The following JPH2 variants were observed in gnomAD, a reference collection of about 807,000 sequenced individuals.
JPH2 encodes junctophilin 2, also known as junctophilin-2.
JPH2 carries 38 observed loss-of-function variants against 55.9 expected under a neutral mutation model. The observed-to-expected ratio is 0.68, with a 90% CI of 0.52 to 0.89. JPH2 has a LOEUF of 0.89. JPH2 is among the 40% of genes least tolerant of loss of function. The probability of loss-of-function intolerance (pLI) is 0.00; values close to 1 mark genes in which losing one functional copy is unlikely to be tolerated. For missense variants in JPH2, 964 were observed against 1,037.6 expected (o/e 0.93, Z 0.97); for synonymous variants, 480 against 472.4 (o/e 1.02, Z -0.21).
chr20:44,121,570 C>T (rs910878822), intron 2 of JPH2, among the ~76,000 whole-genome samples: 3 of 150,240 alleles, frequency 2.0e-5, no homozygotes, highest in Non-Finnish European at 2.9e-5. Flanking sequence ...TTAACATTTA[C>T]AAAGCACTTA....
chr20:44,169,863 A>C (rs1166284524), intron 1 of JPH2, among the ~76,000 whole-genome samples: 1 of 152,034 alleles, frequency 6.6e-6, no homozygotes, highest in Non-Finnish European at 1.5e-5. Flanking sequence ...AGGAAGAGAG[A>C]TCTGAGCTAG....
At chr20:44,129,570 CAA>C (rs1286932645) in intron 2 of JPH2, among the ~76,000 whole-genome samples, 11 of 68,034 alleles carry the variant, frequency 1.6e-4, no homozygotes, top group African/African-American at 4.1e-4. Context: ...AAAAAAAAAA[CAA>C]AAAAAACAAA....
In JPH2 at chr20:44,160,502, G is replaced by A; in HGVS notation, c.380-95C>T. ...GGGCAAGGGCGGGAGTGGGCAAGGC[G>A]GGGTGGGACCGAGAGGCGCAAGGCC... On this transcript the variant is annotated intron_variant, in intron 1 of 5. Transcript: ENST00000372980. The surrounding 1 kb of genome is among the most constrained non-coding windows in gnomAD (Gnocchi z 4.9). 8.1e-6 allele frequency: 11 copies of A among 1,349,714 alleles called. No individual in the cohort carries two copies. Among genetic ancestry groups the A allele is most frequent in the South Asian group, 1.2e-5 (1 of 80,964 alleles). 83.6% of individuals were successfully genotyped at this position (1,349,714 alleles called of 1,614,324 possible). A position where few individuals can be genotyped will look rare whatever the true frequency, so the allele number is the denominator to read the frequency against.
intron 1 of JPH2, among the ~76,000 whole-genome samples, chr20:44,171,543 G>A (rs1016442889): frequency 6.6e-6 from 1 of 150,782 alleles, no homozygotes. Flanking sequence ...TCTGGGCTTT[G>A]CCAATCTCTC....
rs753387666 is a variant in JPH2 at position 44,159,968 on chromosome 20, G to T, written c.819C>A (p.Ala273=). The T allele has an allele frequency of 7.1e-5, 113 of 1,593,958 alleles. No homozygotes were observed. The Middle Eastern group carries it at 1.3e-3, about 19-fold the overall frequency. Residue 273 remains alanine, a synonymous_variant, in exon 2 of 6, where the codon GCC becomes GCA. Transcript: ENST00000372980. This position sits in a 1 kb window ranked among gnomAD's most constrained non-coding sequence, Gnocchi z 5.7. The part of the protein sequence containing the change: ...TASLGEAAEG[A]DEAAPFEADI... ...CGGCCTCGAAGGGTGCGGCCTCGTCGGCGCCCTCGGCGGCCTCTCCCAGGC... is the reference window on the plus strand; with the variant it reads ...CGGCCTCGAAGGGTGCGGCCTCGTCTGCGCCCTCGGCGGCCTCTCCCAGGC...
chr20:44,148,382 T>G (rs1326611551), intron 2 of JPH2, among the ~76,000 whole-genome samples: 30 of 152,122 alleles, frequency 2.0e-4, no homozygotes, highest in Admixed American at 2.0e-3. Context: ...ATGCTGAGGC[T>G]GGGTCAGCCC....
At chr20:44,143,500 G>A (rs534715696) in intron 2 of JPH2, among the ~76,000 whole-genome samples, 15 of 152,320 alleles carry the variant, frequency 9.8e-5, no homozygotes, top group South Asian at 2.1e-4. Context: ...ACTGGAGCCC[G>A]CATCCATCCT....
chr20:44,126,994 AT>A (rs1266582833), intron 2 of JPH2, among the ~76,000 whole-genome samples: 6 of 152,344 alleles, frequency 3.9e-5, no homozygotes, highest in South Asian at 4.1e-4. Context: ...CACGTAACAA[AT>A]ATTAGCTATC....
rs147402992 is a variant in JPH2, at chr20:44,165,815, C to T, written c.380-5408G>A. Among the ~76,000 whole-genome samples the T allele has an allele frequency of 3.0e-4, 46 of 152,244 alleles. 1 individual carries two copies. The highest frequency in any genetic ancestry group is 1.0e-3 in the African/African-American group (43 of 41,544). On this transcript the variant is annotated intron_variant, in intron 1 of 5. Coordinates refer to ENST00000372980, the MANE Select transcript of JPH2 (RefSeq NM_020433.5). ...ATACCTACATGGCTCACCCTCTTGC[C>T]GTCTTCAAGCCTTTACTCAAATGTC...
intron 1 of JPH2, among the ~76,000 whole-genome samples, chr20:44,183,998 A>T (rs982262471): frequency 7.2e-4 from 100 of 139,816 alleles, no homozygotes; most frequent in Admixed American, 1.3e-3. Context: ...CCAAAAAATT[A>T]AAAAAAAAAA....
intron 2 of JPH2, among the ~76,000 whole-genome samples, chr20:44,123,610 C>T (rs79502691): frequency 0.028 from 4,321 of 152,294 alleles, 62 homozygotes; most frequent in Non-Finnish European, 0.036. Flanking sequence ...GAAGGGCAGG[C>T]GGAATGACTG....
At chr20:44,162,851 A>T (rs2072625360) in intron 1 of JPH2, among the ~76,000 whole-genome samples, 2 of 141,482 alleles carry the variant, frequency 1.4e-5, no homozygotes, top group Non-Finnish European at 3.0e-5. Flanking sequence ...CCTCTAGAGA[A>T]CGCTGATGAA....
At chr20:44,128,565 A>T (rs981592376) in intron 2 of JPH2, among the ~76,000 whole-genome samples, 24 of 151,958 alleles carry the variant, frequency 1.6e-4, no homozygotes, top group African/African-American at 5.6e-4. Context: ...TATATTATAA[A>T]TATTAATATA....
chr20:44,163,663 T>C (rs2072631933), intron 1 of JPH2, among the ~76,000 whole-genome samples: 1 of 152,140 alleles, frequency 6.6e-6, no homozygotes, highest in Non-Finnish European at 1.5e-5. Flanking sequence ...ACCAAGGAAA[T>C]GGGATCCAAG....
At chr20:44,164,876 C>T (rs2072645124) in intron 1 of JPH2, among the ~76,000 whole-genome samples, 1 of 144,002 alleles carries the variant, frequency 6.9e-6, no homozygotes, top group Non-Finnish European at 1.5e-5. Flanking sequence ...TTGCTCTTGT[C>T]ACCCAGGCTG....
intron 2 of JPH2, among the ~76,000 whole-genome samples, chr20:44,146,971 A>T (rs1033171833): frequency 6.6e-6 from 1 of 152,182 alleles, no homozygotes; most frequent in Non-Finnish European, 1.5e-5. Context: ...TTTAGCCCAT[A>T]AAGTGTCATC....
In JPH2 at chr20:44,116,240, G is replaced by A. The variant is rs1273688341; in HGVS notation, c.1435C>T (p.Arg479Trp). 5 of 1,463,710 alleles carry A rather than the reference G, an allele frequency of 3.4e-6. No individual in the cohort carries two copies. Among genetic ancestry groups the A allele is most frequent in the Admixed American group, 5.0e-5 (2 of 39,848 alleles). The allele number at this position is 1,463,710 out of a possible 1,614,324, so 90.7% of individuals were successfully genotyped here. Residue 479 changes from arginine (R) to tryptophan (W), a missense_variant, in exon 4 of 6, where the codon CGG becomes TGG. Transcript: ENST00000372980. ...GGTGACGGGGAGCCACCCTCGGGCC[G>A]AGGGGTCTCACGCTCGTGCAGCTGC... Reference protein sequence around the residue: ...SPQLHERETPRPEGGSPSPAG... With the variant: ...SPQLHERETPWPEGGSPSPAG...
intron 1 of JPH2, among the ~76,000 whole-genome samples, chr20:44,179,195 A>G (rs1331088759): frequency 1.3e-5 from 2 of 152,238 alleles, no homozygotes; most frequent in Non-Finnish European, 2.9e-5. Context: ...GCCTCATTTA[A>G]TTCTCTCAAC....
chr20:44,116,369 G>C lies in JPH2; in HGVS notation c.1306C>G (p.Arg436Gly), dbSNP rs1326977511. ...FYQPGPEYQK[R>G]RLLQEILENS... Reference sequence around the variant, plus strand: ...TCCAGGATCTCCTGCAGCAGCCGGCGCTTCTGATATTCCGGACCTGCCAGG... The same window carrying C: ...TCCAGGATCTCCTGCAGCAGCCGGCCCTTCTGATATTCCGGACCTGCCAGG... The change falls in exon 4 of 6, where the codon CGC (arginine) becomes GGC (glycine). Residue 436 changes from arginine (R) to glycine (G), a missense_variant. Coordinates refer to ENST00000372980, the MANE Select transcript of JPH2 (RefSeq NM_020433.5). 6.5e-7 allele frequency: 1 copy of C among 1,547,856 alleles called. No individual in the cohort carries two copies. The highest frequency in any genetic ancestry group is 8.7e-7 in the Non-Finnish European group (1 of 1,146,702).
Sources: allele counts gnomAD v4.1 joint callset (sites outside exome capture counted in the v4.1 genomes callset), GRCh38; gene constraint gnomAD v4.1.1; non-coding constraint Gnocchi (gnomAD v3.1); transcripts MANE v1.5; gene names NCBI Gene and HGNC (gene_info 2026-07-23, HGNC 2026-07-21).